The following DLC1 variants were observed in gnomAD, a reference collection of about 807,000 sequenced individuals.
DLC1 encodes DLC1 Rho GTPase activating protein.
A neutral mutation model predicts 140.3 loss-of-function variants in DLC1; 54 were observed. That is an observed-to-expected ratio of 0.38 (90% CI 0.31 to 0.48). The LOEUF (loss-of-function observed/expected upper bound fraction) is 0.48, where lower values mean the gene tolerates loss of function less well. Among genes scored for constraint, DLC1 ranks in the 20% least tolerant of loss-of-function variants. DLC1 has a pLI of 0.96. For missense variants in DLC1, 2,536 were observed against 1,907.0 expected (o/e 1.33, Z -6.14); for synonymous variants, 986 against 728.1 (o/e 1.35, Z -5.70).
At chr8:13,442,565 A>G (rs1798568507) in intron 2 of DLC1, among the ~76,000 whole-genome samples, 2 of 152,248 alleles carry the variant, frequency 1.3e-5, no homozygotes, top group African/African-American at 4.8e-5. Context: ...GACACTTCTC[A>G]AAAGAAGACA....
At chr8:13,248,597 C>A (rs143427587) in intron 5 of DLC1, among the ~76,000 whole-genome samples, 1 of 152,186 alleles carries the variant, frequency 6.6e-6, no homozygotes, top group Non-Finnish European at 1.5e-5. Flanking sequence ...GCGGACACCC[C>A]CCACATGGTG....
intron 5 of DLC1, among the ~76,000 whole-genome samples, chr8:13,181,667 C>T (rs1202943544): frequency 3.3e-5 from 5 of 151,806 alleles, no homozygotes; most frequent in African/African-American, 9.7e-5. Flanking sequence ...GACATGAACT[C>T]ATCCTTTTTT....
intron 5 of DLC1, among the ~76,000 whole-genome samples, chr8:13,210,210 A>T (rs777017840): frequency 1.3e-5 from 2 of 152,240 alleles, no homozygotes; most frequent in Non-Finnish European, 2.9e-5. Flanking sequence ...AGCTAACAAA[A>T]CACAGCATAG....
chr8:13,131,947 G>T (rs1193451480), intron 5 of DLC1, among the ~76,000 whole-genome samples: 2 of 152,154 alleles, frequency 1.3e-5, no homozygotes, highest in African/African-American at 2.4e-5. Flanking sequence ...CAGAGAGGAG[G>T]GGTGCACCTC....
chr8:13,194,215 A>G (rs137925890), intron 5 of DLC1, among the ~76,000 whole-genome samples: 2,438 of 152,344 alleles, frequency 0.016, 68 homozygotes, highest in African/African-American at 0.055. Context: ...AAGCGGGGAC[A>G]TTCATCACCA....
intron 5 of DLC1, among the ~76,000 whole-genome samples, chr8:13,149,546 A>C (rs1823662598): frequency 6.6e-6 from 1 of 152,170 alleles, no homozygotes; most frequent in Non-Finnish European, 1.5e-5. Context: ...CTCAGTCTAT[A>C]AAATCTGATT....
intron 5 of DLC1, among the ~76,000 whole-genome samples, chr8:13,122,987 C>G (rs149374589): frequency 6.6e-6 from 1 of 152,110 alleles, no homozygotes; most frequent in Admixed American, 6.5e-5. Context: ...TCCAACTAGG[C>G]GTACTGCCAG....
rs1280686811 is a variant in DLC1 at position 13,109,572 on chromosome 8, AT to A, written c.1502+1169del. ...ACCTTGTCTTTAAAAATAAAAAAAA[AT>A]AAAATAAAAAACAGAACAAAAAAAA... On this transcript the variant is annotated intron_variant, in intron 7 of 17. Transcript: ENST00000276297. Among the ~76,000 whole-genome samples the A allele has an allele frequency of 2.8e-3, 410 of 144,246 alleles. 1 individual carries two copies. The highest frequency in any genetic ancestry group is 9.7e-3 in the African/African-American group (396 of 40,730). 94.6% of individuals were successfully genotyped at this position (144,246 alleles called of 152,430 possible).
chr8:13,438,478 T>C (rs1839221090), intron 2 of DLC1, among the ~76,000 whole-genome samples: 1 of 152,182 alleles, frequency 6.6e-6, no homozygotes, highest in African/African-American at 2.4e-5. Context: ...TTCACGTTAC[T>C]TCTCTCACTC....
At chr8:13,169,271 T>C (rs1825303642) in intron 5 of DLC1, among the ~76,000 whole-genome samples, 1 of 152,232 alleles carries the variant, frequency 6.6e-6, no homozygotes, top group East Asian at 1.9e-4. Flanking sequence ...TGTGGGGTTT[T>C]GTTGTTGTTT....
intron 4 of DLC1, among the ~76,000 whole-genome samples, chr8:13,348,294 T>C (rs1217140371): frequency 6.6e-6 from 1 of 152,076 alleles, no homozygotes; most frequent in Non-Finnish European, 1.5e-5. Context: ...TTGCTGGAGT[T>C]TCAGATATAT....
intron 10 of DLC1, chr8:13,095,819 G>C (rs1420926271): frequency 6.5e-6 from 1 of 153,138 alleles, no homozygotes; most frequent in Non-Finnish European, 1.5e-5. Flanking sequence ...CACATGATGG[G>C]AAAACAGCAA....
intron 5 of DLC1, among the ~76,000 whole-genome samples, chr8:13,257,239 C>A (rs1830269283): frequency 6.6e-6 from 1 of 151,072 alleles, no homozygotes; most frequent in Admixed American, 6.6e-5. Context: ...CATTTGAAAC[C>A]AACCTGGGCA....
intron 1 of DLC1, among the ~76,000 whole-genome samples, chr8:13,541,250 C>G (rs548063836): frequency 5.1e-4 from 77 of 151,142 alleles, no homozygotes; most frequent in African/African-American, 1.8e-3. Flanking sequence ...ACAAATAAAG[C>G]TGGTATGAAC....
At chr8:13,327,452 T>G (rs1057252545) in intron 4 of DLC1, among the ~76,000 whole-genome samples, 1 of 151,862 alleles carries the variant, frequency 6.6e-6, no homozygotes, top group African/African-American at 2.4e-5. Context: ...TATTTTATTT[T>G]TTAATTTTTT....
chr8:13,281,880 T>C (rs1387107230), intron 5 of DLC1, among the ~76,000 whole-genome samples: 1 of 152,242 alleles, frequency 6.6e-6, no homozygotes, highest in African/African-American at 2.4e-5. Flanking sequence ...CTACCTGAGC[T>C]ACAAAAAGTC....
intron 5 of DLC1, among the ~76,000 whole-genome samples, chr8:13,142,965 C>A (rs1030716725): frequency 6.0e-5 from 9 of 151,042 alleles, no homozygotes; most frequent in African/African-American, 2.2e-4. Context: ...AGGAGAATCA[C>A]TTGAACACCA....
chr8:13,493,498 C>G (rs545967593), intron 2 of DLC1, among the ~76,000 whole-genome samples: 3 of 152,160 alleles, frequency 2.0e-5, no homozygotes, highest in African/African-American at 7.2e-5. Context: ...GTTTAGTGAT[C>G]AGATCTGGGT....
chr8:13,100,329 G>T lies in DLC1; in HGVS notation c.2008C>A (p.Arg670=), dbSNP rs375672644. The part of the protein sequence containing the change: ...AKSKTRSLLK[R]MESLKLKSSH... Reference sequence around the variant, plus strand: ...CTCTTGAGCTTCAGGCTCTCCATCCGTTTCAGCAGACTGCGCGTCTTGGAC... The same window carrying T: ...CTCTTGAGCTTCAGGCTCTCCATCCTTTTCAGCAGACTGCGCGTCTTGGAC... The change falls in exon 9 of 18, where the codon CGG becomes AGG. Residue 670 remains arginine, a synonymous_variant. Coordinates refer to ENST00000276297, the MANE Select transcript of DLC1 (RefSeq NM_182643.3). The T allele has an allele frequency of 6.2e-6, 10 of 1,614,174 alleles. No individual in the cohort carries two copies. The African/African-American group carries it at 9.3e-5, about 15-fold the overall frequency.
Sources: allele counts gnomAD v4.1 joint callset (sites outside exome capture counted in the v4.1 genomes callset), GRCh38; gene constraint gnomAD v4.1.1; transcripts MANE v1.5; gene names NCBI Gene and HGNC (gene_info 2026-07-23, HGNC 2026-07-21).